The following SLC8A1 variants were observed in gnomAD, a reference collection of about 807,000 sequenced individuals.
The protein encoded by SLC8A1 is solute carrier family 8 member A1.
In SLC8A1, 18 loss-of-function variants were observed where a neutral mutation model predicts 68.3. That is an observed-to-expected ratio of 0.26 (90% CI 0.18 to 0.39). The LOEUF (loss-of-function observed/expected upper bound fraction) is 0.39, where lower values mean the gene tolerates loss of function less well. SLC8A1 is among the 10% of genes least tolerant of loss of function. The pLI, the probability that SLC8A1 is intolerant of heterozygous loss-of-function variation, is 1.00. For missense variants in SLC8A1, 985 were observed against 1,156.7 expected (o/e 0.85, Z 2.15); for synonymous variants, 475 against 415.5 (o/e 1.14, Z -1.74).
intron 1 of SLC8A1, among the ~76,000 whole-genome samples, chr2:40,486,784 A>G (rs1263191017): frequency 2.0e-5 from 3 of 151,322 alleles, no homozygotes; most frequent in Admixed American, 6.6e-5. Context: ...CAGGTTTGTT[A>G]CATATGCATA....
At chr2:40,168,464 T>C (rs1028989550) in intron 4 of SLC8A1, among the ~76,000 whole-genome samples, 5 of 152,188 alleles carry the variant, frequency 3.3e-5, no homozygotes, top group African/African-American at 1.2e-4. Flanking sequence ...CTTTTATTTA[T>C]ATGTAACTGA....
chr2:40,137,949 C>T (rs976278897), intron 7 of SLC8A1, among the ~76,000 whole-genome samples: 6 of 152,096 alleles, frequency 3.9e-5, no homozygotes, highest in Non-Finnish European at 7.4e-5. Context: ...CTGGATACTT[C>T]ATCCATGGTT....
At chr2:40,331,624 C>T (rs190655094) in intron 2 of SLC8A1, among the ~76,000 whole-genome samples, 14 of 151,764 alleles carry the variant, frequency 9.2e-5, no homozygotes, top group East Asian at 1.9e-4. Flanking sequence ...GACGGAGTCT[C>T]GCTCTGTCGC....
chr2:40,501,800 A>T (rs1706075234), intron 1 of SLC8A1, among the ~76,000 whole-genome samples: 1 of 152,042 alleles, frequency 6.6e-6, no homozygotes, highest in Non-Finnish European at 1.5e-5. Flanking sequence ...CTTATGTGGG[A>T]CCTGACAAAA....
At chr2:40,450,528 A>T (rs1057353284) in intron 1 of SLC8A1, among the ~76,000 whole-genome samples, 5 of 152,200 alleles carry the variant, frequency 3.3e-5, no homozygotes, top group Non-Finnish European at 5.9e-5. Flanking sequence ...GCCTTTAACC[A>T]GATCTGATCA....
chr2:40,308,998 A>G (rs1014525634), intron 2 of SLC8A1, among the ~76,000 whole-genome samples: 6 of 152,168 alleles, frequency 3.9e-5, no homozygotes, highest in Non-Finnish European at 7.4e-5. Flanking sequence ...GAGATGTTGA[A>G]ATTGCATTCA....
At chr2:40,396,748 T>TAAAAAAAAAAAAAAAAAAAAAAAA (rs368483768) in intron 2 of SLC8A1, among the ~76,000 whole-genome samples, 15 of 87,086 alleles carry the variant, frequency 1.7e-4, no homozygotes, top group South Asian at 3.8e-4. Flanking sequence ...CTCTAATAAC[T>TAAAAAAAAAAAAAAAAAAAAAAAA]AAAAAAAAAA....
exon 2 of SLC8A1, chr2:40,429,340 T>C (rs1301259261): frequency 6.2e-7 from 1 of 1,613,862 alleles, no homozygotes; most frequent in South Asian, 1.1e-5. Flanking sequence ...TTGGTCCCTC[T>C]CATCCACCTC....
intron 2 of SLC8A1, among the ~76,000 whole-genome samples, chr2:40,267,349 T>C (rs1258596277): frequency 6.6e-6 from 1 of 152,198 alleles, no homozygotes; most frequent in African/African-American, 2.4e-5. Context: ...TAGTAACATA[T>C]ACTTAGTGAG....
chr2:40,178,955 C>T (rs1455575113), intron 2 of SLC8A1, among the ~76,000 whole-genome samples: 1 of 151,934 alleles, frequency 6.6e-6, no homozygotes, highest in Admixed American at 6.6e-5. Flanking sequence ...CATTTTTTTT[C>T]CTTCACTGTG....
chr2:40,382,990 C>G (rs1682392466), intron 2 of SLC8A1, among the ~76,000 whole-genome samples: 1 of 151,988 alleles, frequency 6.6e-6, no homozygotes, highest in Admixed American at 6.6e-5. Flanking sequence ...CACAACCTGT[C>G]TTATGGCATT....
chr2:40,325,022 C>G (rs1467856728), intron 2 of SLC8A1, among the ~76,000 whole-genome samples: 1 of 152,048 alleles, frequency 6.6e-6, no homozygotes, highest in Non-Finnish European at 1.5e-5. Flanking sequence ...TCCAAGGAAT[C>G]CCCACCACAT....
chr2:40,140,509 G>A (rs1199742685), intron 6 of SLC8A1, among the ~76,000 whole-genome samples: 1 of 152,188 alleles, frequency 6.6e-6, no homozygotes, highest in Non-Finnish European at 1.5e-5. Context: ...TGAGCAGGTG[G>A]CACAGAGAAC....
intron 2 of SLC8A1, among the ~76,000 whole-genome samples, chr2:40,374,727 G>A (rs1489189320): frequency 3.9e-5 from 6 of 151,942 alleles, no homozygotes; most frequent in Non-Finnish European, 2.9e-5. Flanking sequence ...CACACAGGCT[G>A]TATCAGCCTG....
At chr2:40,254,555 G>GA (rs2149059892) in intron 2 of SLC8A1, 1 of 151,596 alleles carries the variant, frequency 6.6e-6, no homozygotes, top group South Asian at 2.1e-4. Flanking sequence ...TTGAACTCTT[G>GA]AAAATATCAT....
chr2:40,210,003 G>C (rs2056285071), intron 2 of SLC8A1: 2 of 152,236 alleles, frequency 1.3e-5, no homozygotes. Context: ...TGATTGATCT[G>C]AGTTGGCAGA....
chr2:40,239,723 T>C (rs543062562), intron 2 of SLC8A1, among the ~76,000 whole-genome samples: 3 of 152,286 alleles, frequency 2.0e-5, no homozygotes, highest in Admixed American at 6.5e-5. Context: ...CATTCTTTCA[T>C]AAAGGAAAGA....
intron 2 of SLC8A1, among the ~76,000 whole-genome samples, chr2:40,209,518 G>A (rs924182387): frequency 5.3e-5 from 8 of 152,058 alleles, no homozygotes; most frequent in Non-Finnish European, 8.8e-5. Flanking sequence ...AGCCACTGGA[G>A]GATTTTGAGC....
At chr2:40,268,800 T>C (rs549818592) in intron 2 of SLC8A1, among the ~76,000 whole-genome samples, 2 of 151,976 alleles carry the variant, frequency 1.3e-5, no homozygotes, top group South Asian at 4.1e-4. Context: ...GTCCAACACT[T>C]AAGGAAAAAA....
Sources: gnomAD v4.1 joint callset for allele counts (sites outside exome capture counted in the v4.1 genomes callset) on GRCh38, gnomAD v4.1.1 for gene constraint, MANE v1.5 for transcripts, NCBI Gene and HGNC (gene_info 2026-07-23, HGNC 2026-07-21) for gene names.